Variants in RPS6KA1 observed in about 807,000 individuals in gnomAD.
RPS6KA1 encodes ribosomal protein S6 kinase alpha-1.
RPS6KA1 carries 48 observed loss-of-function variants against 91.3 expected under a neutral mutation model. The observed-to-expected ratio is 0.53, with a 90% CI of 0.42 to 0.67. The LOEUF (loss-of-function observed/expected upper bound fraction) is 0.67, where lower values mean the gene tolerates loss of function less well. Among genes scored for constraint, RPS6KA1 ranks in the 30% least tolerant of loss-of-function variants. RPS6KA1 has a pLI of 0.00. For missense variants in RPS6KA1, 719 were observed against 960.5 expected (o/e 0.75, Z 3.32); for synonymous variants, 359 against 384.7 (o/e 0.93, Z 0.78).
intron 4 of RPS6KA1, among the ~76,000 whole-genome samples, chr1:26,550,953 C>G (rs1451708202): frequency 1.3e-5 from 2 of 152,148 alleles, no homozygotes; most frequent in Non-Finnish European, 2.9e-5. Flanking sequence ...GGTAGCCGTT[C>G]TTACCAGCCC....
chr1:26,541,752 AG>A (rs1319008636), intron 2 of RPS6KA1, among the ~76,000 whole-genome samples: 1 of 152,074 alleles, frequency 6.6e-6, no homozygotes, highest in Non-Finnish European at 1.5e-5. Flanking sequence ...CCACTGAGGG[AG>A]GGGGTAGCGC....
intron 4 of RPS6KA1, among the ~76,000 whole-genome samples, chr1:26,549,259 C>T (rs1489654344): frequency 6.6e-6 from 1 of 151,830 alleles, no homozygotes; most frequent in African/African-American, 2.4e-5. Context: ...CACTCCCTAG[C>T]CTTCCACCTC....
In RPS6KA1 at chr1:26,539,338, C is replaced by T. The variant is rs570091273; in HGVS notation, c.108+2369C>T. ...TCTAGGGCACAGGCCATGTTCCCTG[C>T]GGAACTGGCATTTGGCTGGGACTCA... On this transcript the variant is annotated intron_variant, in intron 2 of 21. Coordinates refer to ENST00000374168, the MANE Select transcript of RPS6KA1 (RefSeq NM_002953.4). Among the ~76,000 whole-genome samples, 36 of 152,282 alleles carry T rather than the reference C, an allele frequency of 2.4e-4. 1 individual carries two copies. The highest frequency in any genetic ancestry group is 6.0e-4 in the African/African-American group (25 of 41,562).
At chr1:26,550,619 C>G in intron 4 of RPS6KA1, among the ~76,000 whole-genome samples, 1 of 152,168 alleles carries the variant, frequency 6.6e-6, no homozygotes, top group East Asian at 1.9e-4. Context: ...GTGCCCGGCC[C>G]AAAAGCCTGT....
chr1:26,562,711 G>A (rs1164535085), intron 17 of RPS6KA1, among the ~76,000 whole-genome samples: 1 of 152,062 alleles, frequency 6.6e-6, no homozygotes, highest in Admixed American at 6.6e-5. Flanking sequence ...ACAACATGGG[G>A]GTTAAGAATG....
In RPS6KA1 at chr1:26,536,976, ACCATGG is replaced by A. The variant is rs1359008501; in HGVS notation, c.108+11_108+16del. ...TGGACTTCAGCCGTCCAAGGTGAGG[ACCATGG>A]CCAGCACCCTGAGCGAGGGGCTGTG... is the stretch of plus-strand genomic sequence containing the variant. On this transcript the variant is annotated splice_region_variant and intron_variant, in intron 2 of 21. Transcript: ENST00000374168. 6.2e-7 allele frequency: 1 copy of A among 1,613,944 alleles called. No homozygotes were observed. The highest frequency in any genetic ancestry group is 8.5e-7 in the Non-Finnish European group (1 of 1,179,958).
At position 26,551,365 on chromosome 1, in the gene RPS6KA1, GC is replaced by G; in HGVS notation, c.308-31del. ...GGGAGTGGCTGTGTTGAGTGTCTAG[GC>G]TACTGGTGACTTCCTTTCTCGTCTG... On this transcript the variant is annotated intron_variant, in intron 4 of 21. Coordinates refer to ENST00000374168, the MANE Select transcript of RPS6KA1 (RefSeq NM_002953.4). This position sits in a 1 kb window ranked among gnomAD's most constrained non-coding sequence, Gnocchi z 4.5. 6.3e-7 allele frequency: 1 copy of G among 1,599,660 alleles called. No homozygotes were observed.
chr1:26,553,448 G>A lies in RPS6KA1; in HGVS notation c.526G>A (p.Asp176Asn). 6.2e-7 allele frequency: 1 copy of A among 1,613,306 alleles called. No homozygotes were observed. Among genetic ancestry groups the A allele is most frequent in the Non-Finnish European group, 8.5e-7 (1 of 1,179,566 alleles). Residue 176 changes from aspartate to asparagine, a missense_variant, in exon 7 of 22, where the codon GAT becomes AAT. This residue lies in a region of RPS6KA1 where 159 missense variants were observed against 264.5 expected (regional missense o/e 0.60). Coordinates refer to ENST00000374168, the MANE Select transcript of RPS6KA1 (RefSeq NM_002953.4). ...CCTGGCTGAGCTGGCTCTGGGCCTG[G>A]ATCACCTGCACAGCCTGGGTATCAT... ...FYLAELALGL[D>N]HLHSLGIIYR... is the part of the protein sequence containing the mutation.
At chr1:26,572,868 C>T (rs572059942) in intron 20 of RPS6KA1, among the ~76,000 whole-genome samples, 1 of 152,288 alleles carries the variant, frequency 6.6e-6, no homozygotes, top group Admixed American at 6.5e-5. Flanking sequence ...AACTGAGGCT[C>T]AGAGAGTTGA....
In RPS6KA1 at chr1:26,555,198, G is replaced by A. The variant is rs752874068; in HGVS notation, c.804G>A (p.Lys268=). ...TGCCCTTCCAGGGGAAGGACCGGAA[G>A]GAGACCATGACACTGATTCTGAAGT... ...GSLPFQGKDR[K]ETMTLILKAK... Residue 268 remains lysine (K), a synonymous_variant, in exon 10 of 22, where the codon AAG becomes AAA. Coordinates refer to ENST00000374168, the MANE Select transcript of RPS6KA1 (RefSeq NM_002953.4). The surrounding 1 kb of genome is among the most constrained non-coding windows in gnomAD (Gnocchi z 4.3). The A allele has an allele frequency of 1.2e-6, 2 of 1,614,148 alleles. No homozygotes were observed. Among genetic ancestry groups the A allele is most frequent in the Non-Finnish European group, 1.7e-6 (2 of 1,180,004 alleles).
At chr1:26,536,675 C>G (rs554554035) in intron 1 of RPS6KA1, among the ~76,000 whole-genome samples, 17 of 152,222 alleles carry the variant, frequency 1.1e-4, no homozygotes, top group African/African-American at 4.1e-4. Context: ...GCCAGGCAGA[C>G]AGCATGAGGG....
intron 17 of RPS6KA1, among the ~76,000 whole-genome samples, chr1:26,565,600 G>A (rs1040088899): frequency 2.9e-5 from 4 of 139,294 alleles, no homozygotes; most frequent in African/African-American, 8.6e-5. Context: ...TGCTCTTCTC[G>A]CCCAGGCTGG....
At position 26,571,760 on chromosome 1, in the gene RPS6KA1, G is replaced by A. The variant is rs1345530078; in HGVS notation, c.1753-89G>A. 1.3e-6 allele frequency: 2 copies of A among 1,494,488 alleles called. No homozygotes were observed. Among genetic ancestry groups the A allele is most frequent in the East Asian group, 4.8e-5 (2 of 41,562 alleles). 92.6% of individuals were successfully genotyped at this position (1,494,488 alleles called of 1,614,324 possible). ...GATCTAGCCTGTGCCTGGGACCCTTGTCCTGCCCTTGAGGGGAGTAGCAGG... is the reference window on the plus strand; with the variant it reads ...GATCTAGCCTGTGCCTGGGACCCTTATCCTGCCCTTGAGGGGAGTAGCAGG... On this transcript the variant is annotated intron_variant, in intron 18 of 21. Transcript: ENST00000374168. This position sits in a 1 kb window ranked among gnomAD's most constrained non-coding sequence, Gnocchi z 5.1.
At chr1:26,573,672 G>A (rs2076270240) in intron 21 of RPS6KA1, among the ~76,000 whole-genome samples, 1 of 152,182 alleles carries the variant, frequency 6.6e-6, no homozygotes, top group Non-Finnish European at 1.5e-5. Context: ...GGGCGCGGTG[G>A]CTCACACCTG....
At position 26,553,228 on chromosome 1, in the gene RPS6KA1, T is replaced by G. The variant is rs144866029; in HGVS notation, c.469-163T>G. On this transcript the variant is annotated intron_variant, in intron 6 of 21. Transcript: ENST00000374168. Reference sequence around the variant, plus strand: ...AATGAGTGGCTTGCGTATTAGTCATTTCATACTTCAAATCCTTTGTATGAT... The same window carrying G: ...AATGAGTGGCTTGCGTATTAGTCATGTCATACTTCAAATCCTTTGTATGAT... Among the ~76,000 whole-genome samples the G allele has an allele frequency of 1.8e-4, 28 of 152,284 alleles. No individual in the cohort carries two copies. The South Asian group carries it at 3.3e-3, about 18-fold the overall frequency.
chr1:26,546,571 C>T (rs1268462659), intron 2 of RPS6KA1, among the ~76,000 whole-genome samples: 1 of 152,236 alleles, frequency 6.6e-6, no homozygotes, highest in Non-Finnish European at 1.5e-5. Context: ...GGGCAGGTCT[C>T]TGGGTCTCAG....
chr1:26,530,039 A>AG, intron 1 of RPS6KA1, 56 bp downstream of exon 1: 1 of 1,208,420 alleles, frequency 8.3e-7, no homozygotes, highest in East Asian at 3.5e-5. Flanking sequence ...GGATCCTCAC[A>AG]GGGGCGGGGC....
intron 17 of RPS6KA1, among the ~76,000 whole-genome samples, chr1:26,566,525 G>T (rs914235330): frequency 1.3e-5 from 2 of 152,030 alleles, no homozygotes; most frequent in African/African-American, 4.8e-5. Context: ...GACCCCAGGT[G>T]ATCCGCCCAC....
intron 1 of RPS6KA1, 59 bp from the exon 2 acceptor site, chr1:26,536,866 C>T: frequency 6.3e-7 from 1 of 1,596,358 alleles, no homozygotes; most frequent in Non-Finnish European, 8.6e-7. Flanking sequence ...CCCACAGAGT[C>T]TTTCTCCCAA....
Sources: allele counts gnomAD v4.1 joint callset (sites outside exome capture counted in the v4.1 genomes callset), GRCh38; gene constraint gnomAD v4.1.1; regional missense constraint gnomAD v4.1.1; non-coding constraint Gnocchi (gnomAD v3.1); transcripts MANE v1.5; gene names NCBI Gene and HGNC (gene_info 2026-07-23, HGNC 2026-07-21).